The following PPP1R13B variants were observed in gnomAD, a reference collection of about 807,000 sequenced individuals.
PPP1R13B encodes protein phosphatase 1 regulatory subunit 13B, also known as apoptosis-stimulating of p53 protein 1.
A neutral mutation model predicts 119.8 loss-of-function variants in PPP1R13B; 44 were observed. The ratio of observed to expected loss-of-function variants is 0.37; its 90% CI spans 0.29 to 0.47. The LOEUF (loss-of-function observed/expected upper bound fraction) is 0.47. Among genes scored for constraint, PPP1R13B ranks in the 20% least tolerant of loss-of-function variants. The pLI is 0.99. For missense variants in PPP1R13B, 1,227 were observed against 1,413.5 expected, an observed-to-expected ratio of 0.87 and a Z score of 2.12; for synonymous variants, 542 against 561.5, an observed-to-expected ratio of 0.97 and a Z score of 0.49.
At chr14:103,804,131 A>ACC in intron 1 of PPP1R13B, 2 of 815,794 alleles carry the variant, frequency 2.5e-6, no homozygotes, top group Non-Finnish European at 3.0e-6. Context: ...ATCATACTAG[A>ACC]CCATAAGGAC....
chr14:103,838,889 A>G (rs1357526268), intron 1 of PPP1R13B, among the ~76,000 whole-genome samples: 2 of 152,246 alleles, frequency 1.3e-5, no homozygotes, highest in Non-Finnish European at 2.9e-5. Flanking sequence ...TTTAAGCAGA[A>G]TAAAGTGAGG....
At chr14:103,773,331 C>T (rs1294620748) in intron 4 of PPP1R13B, among the ~76,000 whole-genome samples, 6 of 152,158 alleles carry the variant, frequency 3.9e-5, no homozygotes, top group African/African-American at 1.4e-4. Flanking sequence ...AGATAAAATA[C>T]TTCTCGAGAT....
intron 4 of PPP1R13B, among the ~76,000 whole-genome samples, chr14:103,770,563 AC>A (rs2085044791): frequency 6.6e-6 from 1 of 152,118 alleles, no homozygotes; most frequent in South Asian, 2.1e-4. Context: ...ACACATTTAT[AC>A]CCAAGGCAAG....
intron 1 of PPP1R13B, among the ~76,000 whole-genome samples, chr14:103,831,612 C>A (rs540143704): frequency 1.3e-5 from 2 of 150,440 alleles, no homozygotes; most frequent in African/African-American, 4.9e-5. Context: ...TGCTCGGCCT[C>A]TTTTGCCTTT....
At chr14:103,785,815 C>A (rs1170217077) in intron 2 of PPP1R13B, among the ~76,000 whole-genome samples, 6 of 151,678 alleles carry the variant, frequency 4.0e-5, no homozygotes, top group South Asian at 4.2e-4. Context: ...CCACTATGCT[C>A]AGCCTCCCAT....
At chr14:103,787,978 T>C (rs1054805950) in intron 2 of PPP1R13B, among the ~76,000 whole-genome samples, 4 of 151,812 alleles carry the variant, frequency 2.6e-5, no homozygotes, top group Non-Finnish European at 5.9e-5. Context: ...CCGGGTGTGG[T>C]GGCACACATC....
chr14:103,832,551 T>G (rs1374049158), intron 1 of PPP1R13B, among the ~76,000 whole-genome samples: 2 of 152,234 alleles, frequency 1.3e-5, no homozygotes, highest in Non-Finnish European at 2.9e-5. Context: ...GACAACTATT[T>G]TGATCACTCA....
chr14:103,784,897 C>A lies in PPP1R13B; in HGVS notation c.175G>T (p.Asp59Tyr). ...WRGNERPIPF[D>Y]HMMYEHLQKW... ...TGAAGATGTTCGTACATCATATGAT[C>A]AAAGGGTATGGGACGTTCTAGGAAA... Residue 59 changes from aspartate to tyrosine, a missense_variant, in exon 3 of 17, where the codon GAT (aspartate) becomes TAT (tyrosine). By Grantham distance (160) the Asp-to-Tyr change is radical. Coordinates refer to ENST00000202556, the MANE Select transcript of PPP1R13B (RefSeq NM_015316.3). The A allele has an allele frequency of 6.3e-7, 1 of 1,597,412 alleles. No homozygotes were observed. Among genetic ancestry groups the A allele is most frequent in the South Asian group, 1.1e-5 (1 of 89,954 alleles).
At position 103,740,006 on chromosome 14, in the gene PPP1R13B, G is replaced by C; in HGVS notation, c.2410C>G (p.Leu804Val). Residue 804 changes from leucine to valine, a missense_variant, in exon 12 of 17, where the codon CTC becomes GTC. Leu to Val is a conservative substitution (Grantham distance 32). Transcript: ENST00000202556. This position sits in a 1 kb window ranked among gnomAD's most constrained non-coding sequence, Gnocchi z 4.6. ...TGGTGGGTGGTTTGGGGACAGATGAGCTCCTCTGGTTCGGGGGAAGGTAAC... is the reference window on the plus strand; with the variant it reads ...TGGTGGGTGGTTTGGGGACAGATGACCTCCTCTGGTTCGGGGGAAGGTAAC... Reference protein sequence around the residue: ...NELPSPEPEELICPQTTHQTA... With the variant: ...NELPSPEPEEVICPQTTHQTA... The C allele has an allele frequency of 6.2e-7, 1 of 1,614,114 alleles. No homozygotes were observed. Among genetic ancestry groups the C allele is most frequent in the Non-Finnish European group, 8.5e-7 (1 of 1,180,020 alleles).
intron 15 of PPP1R13B, chr14:103,737,058 C>A (rs190465040): frequency 1.3e-5 from 2 of 152,438 alleles, no homozygotes; most frequent in Admixed American, 6.5e-5. Context: ...CAGGCCACCC[C>A]AGGAAAGGAG....
rs372313747 is a variant in PPP1R13B, at chr14:103,742,043, G to A, written c.1569C>T (p.Ser523=). Residue 523 remains serine (S), a synonymous_variant, in exon 11 of 17, where the codon TCC becomes TCT. Transcript: ENST00000202556. This position sits in a 1 kb window ranked among gnomAD's most constrained non-coding sequence, Gnocchi z 4.9. ...GSSQQIQQRI[S]VPPSPTYPPA... Reference sequence around the variant, plus strand: ...GCGGGTACGTGGGACTTGGCGGTACGGAAATCCTCTGCTGAATCTGTTGTG... The same window carrying A: ...GCGGGTACGTGGGACTTGGCGGTACAGAAATCCTCTGCTGAATCTGTTGTG... 24 of 1,614,106 alleles carry A rather than the reference G, an allele frequency of 1.5e-5. No homozygotes were observed. The African/African-American group carries it at 1.9e-4, about 13-fold the overall frequency.
intron 1 of PPP1R13B, among the ~76,000 whole-genome samples, chr14:103,838,131 TAAATA>T (rs2086820111): frequency 1.3e-5 from 2 of 151,506 alleles, no homozygotes; most frequent in Non-Finnish European, 2.9e-5. Context: ...AATAAACAAA[TAAATA>T]AAGTAAATAA....
chr14:103,755,440 CA>C (rs1424866858), intron 5 of PPP1R13B, among the ~76,000 whole-genome samples: 1 of 152,200 alleles, frequency 6.6e-6, no homozygotes, highest in Non-Finnish European at 1.5e-5. Context: ...ATTTTAGAGT[CA>C]AACAATACCA....
chr14:103,819,432 G>GGCTGCAGTGAACTATGATCCT (rs1229190107), intron 1 of PPP1R13B, among the ~76,000 whole-genome samples: 1 of 151,544 alleles, frequency 6.6e-6, no homozygotes, highest in Non-Finnish European at 1.5e-5. Context: ...AGGAGTCTGA[G>GGCTGCAGTGAACTATGATCCT]GCTGCAGTGA....
At chr14:103,768,490 G>C (rs559246646) in intron 4 of PPP1R13B, among the ~76,000 whole-genome samples, 2 of 152,106 alleles carry the variant, frequency 1.3e-5, no homozygotes, top group Non-Finnish European at 2.9e-5. Context: ...GTAGAGACAG[G>C]GTTTCACCAT....
At chr14:103,780,458 G>A in intron 3 of PPP1R13B, among the ~76,000 whole-genome samples, 1 of 119,628 alleles carries the variant, frequency 8.4e-6, no homozygotes, top group South Asian at 2.8e-4. Context: ...CTGCACTCCA[G>A]CCTGGGTAAC....
intron 3 of PPP1R13B, among the ~76,000 whole-genome samples, chr14:103,780,677 G>A (rs555982131): frequency 4.1e-4 from 62 of 151,560 alleles, no homozygotes; most frequent in African/African-American, 1.5e-3. Flanking sequence ...AGCCCGGCAT[G>A]GTGGTGCACA....
chr14:103,773,175 G>C (rs1303703609), intron 4 of PPP1R13B, among the ~76,000 whole-genome samples: 2 of 152,006 alleles, frequency 1.3e-5, no homozygotes. Context: ...CTAACTGAAA[G>C]ATGAATCTTA....
At chr14:103,743,581 G>A (rs544090783) in intron 9 of PPP1R13B, among the ~76,000 whole-genome samples, 1 of 152,332 alleles carries the variant, frequency 6.6e-6, no homozygotes, top group East Asian at 1.9e-4. Flanking sequence ...AACAGGTGCT[G>A]AACTGAACTA....
Sources: allele counts gnomAD v4.1 joint callset (sites outside exome capture counted in the v4.1 genomes callset), GRCh38; gene constraint gnomAD v4.1.1; non-coding constraint Gnocchi (gnomAD v3.1); transcripts MANE v1.5; gene names NCBI Gene and HGNC (gene_info 2026-07-23, HGNC 2026-07-21).